Variants in DPYD observed in about 807,000 individuals in gnomAD.
The protein encoded by DPYD is dihydropyrimidine dehydrogenase [NADP(+)].
Under a neutral mutation model 116.2 loss-of-function variants are expected in DPYD, and 109 were observed. The observed-to-expected ratio is 0.94, with a 90% CI of 0.80 to 1.10. The LOEUF is 1.10. Ranked by LOEUF, DPYD falls within the 50% of genes least tolerant of loss-of-function variation. The pLI is 0.00. For missense variants in DPYD, 1,302 were observed against 1,254.5 expected, an observed-to-expected ratio of 1.04 and a Z score of -0.57; for synonymous variants, 440 against 432.0, an observed-to-expected ratio of 1.02 and a Z score of -0.23.
intron 18 of DPYD, among the ~76,000 whole-genome samples, chr1:97,244,175 C>T (rs1179651433): frequency 6.6e-6 from 1 of 151,998 alleles, no homozygotes; most frequent in Non-Finnish European, 1.5e-5. Context: ...TATTAAACAA[C>T]TCATTAGTAG....
At chr1:97,754,114 G>A (rs541672245) in intron 3 of DPYD, among the ~76,000 whole-genome samples, 1 of 152,052 alleles carries the variant, frequency 6.6e-6, no homozygotes, top group African/African-American at 2.4e-5. Context: ...TAATGAATAT[G>A]GGTGAAAAAC....
intron 19 of DPYD, among the ~76,000 whole-genome samples, chr1:97,232,928 C>A (rs1047364927): frequency 6.6e-6 from 1 of 152,082 alleles, no homozygotes; most frequent in African/African-American, 2.4e-5. Context: ...TATGATCCAG[C>A]CTGAGGTTTT....
chr1:97,556,995 C>G (rs1486257483), intron 11 of DPYD, among the ~76,000 whole-genome samples: 4 of 150,120 alleles, frequency 2.7e-5, no homozygotes, highest in African/African-American at 4.9e-5. Context: ...GTTCCTATTT[C>G]TCCACATCCT....
chr1:97,226,152 A>G (rs569708182), intron 19 of DPYD, among the ~76,000 whole-genome samples: 2 of 152,234 alleles, frequency 1.3e-5, no homozygotes, highest in African/African-American at 4.8e-5. Context: ...CGATAATCTT[A>G]ATAGATGCAG....
intron 14 of DPYD, among the ~76,000 whole-genome samples, chr1:97,438,211 C>A (rs1222452096): frequency 1.3e-5 from 2 of 151,950 alleles, no homozygotes; most frequent in Non-Finnish European, 2.9e-5. Flanking sequence ...GTCCTTTGCA[C>A]TTCCATATGA....
intron 1 of DPYD, among the ~76,000 whole-genome samples, chr1:97,903,682 A>G (rs753030362): frequency 1.1e-4 from 17 of 151,924 alleles, no homozygotes; most frequent in Non-Finnish European, 2.5e-4. Flanking sequence ...ATTCAGGCCC[A>G]TTGTTTGGTA....
intron 18 of DPYD, among the ~76,000 whole-genome samples, chr1:97,264,615 T>C (rs757188477): frequency 5.9e-5 from 9 of 152,180 alleles, no homozygotes; most frequent in African/African-American, 2.2e-4. Flanking sequence ...TTTTAACTTT[T>C]ACACAGTAAT....
At chr1:97,783,656 G>A (rs1436173949) in intron 3 of DPYD, among the ~76,000 whole-genome samples, 1 of 151,992 alleles carries the variant, frequency 6.6e-6, no homozygotes, top group Non-Finnish European at 1.5e-5. Context: ...CTCCCAAAGT[G>A]CTGAGATTAC....
At chr1:97,810,479 C>T (rs1668301404) in intron 3 of DPYD, among the ~76,000 whole-genome samples, 1 of 151,902 alleles carries the variant, frequency 6.6e-6, no homozygotes, top group African/African-American at 2.4e-5. Flanking sequence ...AATAAACCTG[C>T]AAAGAAACAT....
chr1:97,583,904 T>C (rs1486665491), intron 10 of DPYD, among the ~76,000 whole-genome samples: 1 of 152,156 alleles, frequency 6.6e-6, no homozygotes, highest in African/African-American at 2.4e-5. Flanking sequence ...AGCACCATGA[T>C]TTATAATCCT....
chr1:97,140,323 C>T (rs1411670765), intron 20 of DPYD, among the ~76,000 whole-genome samples: 1 of 152,020 alleles, frequency 6.6e-6, no homozygotes, highest in Non-Finnish European at 1.5e-5. Context: ...AAAGCTGCTG[C>T]AATATAACTA....
intron 16 of DPYD, among the ~76,000 whole-genome samples, chr1:97,337,517 C>T (rs999861081): frequency 6.6e-6 from 1 of 152,114 alleles, no homozygotes; most frequent in African/African-American, 2.4e-5. Flanking sequence ...TTCACCTAGG[C>T]CTCCTAAGAC....
At chr1:97,775,726 G>T (rs775983437) in intron 3 of DPYD, among the ~76,000 whole-genome samples, 2 of 152,086 alleles carry the variant, frequency 1.3e-5, no homozygotes, top group Non-Finnish European at 2.9e-5. Flanking sequence ...ATCTTTGTGA[G>T]AGCAGGTGCA....
At chr1:97,706,817 T>A (rs1661985002) in intron 5 of DPYD, among the ~76,000 whole-genome samples, 1 of 152,114 alleles carries the variant, frequency 6.6e-6, no homozygotes, top group Non-Finnish European at 1.5e-5. Flanking sequence ...CTGCTATAAA[T>A]ATCCATGTGC....
intron 14 of DPYD, among the ~76,000 whole-genome samples, chr1:97,434,250 C>T (rs1043520738): frequency 1.3e-5 from 2 of 151,958 alleles, no homozygotes; most frequent in African/African-American, 2.4e-5. Context: ...ATCAGAAACT[C>T]CCCAAAGAAG....
At chr1:97,817,651 A>G (rs1668699601) in intron 3 of DPYD, among the ~76,000 whole-genome samples, 1 of 152,118 alleles carries the variant, frequency 6.6e-6, no homozygotes, top group Non-Finnish European at 1.5e-5. Flanking sequence ...TAGTTGTAGA[A>G]AATGACAAAT....
intron 13 of DPYD, among the ~76,000 whole-genome samples, chr1:97,467,360 T>A (rs553870020): frequency 1.3e-5 from 2 of 152,226 alleles, no homozygotes; most frequent in Non-Finnish European, 2.9e-5. Context: ...CCTTAACTGA[T>A]TGCAAATCAG....
At chr1:97,350,765 G>A (rs1670096626) in intron 16 of DPYD, among the ~76,000 whole-genome samples, 1 of 152,120 alleles carries the variant, frequency 6.6e-6, no homozygotes. Context: ...ATTTACCCAA[G>A]TGTTTATGTT....
At chr1:97,346,833 T>G (rs1669873876) in intron 16 of DPYD, among the ~76,000 whole-genome samples, 1 of 151,920 alleles carries the variant, frequency 6.6e-6, no homozygotes, top group African/African-American at 2.4e-5. Context: ...ACCCCTATCT[T>G]AAGAGATATA....
Sources: allele counts gnomAD v4.1 joint callset (sites outside exome capture counted in the v4.1 genomes callset), GRCh38; gene constraint gnomAD v4.1.1; transcripts MANE v1.5; gene names NCBI Gene and HGNC (gene_info 2026-07-23, HGNC 2026-07-21).